Variants in PLEKHA2 observed in about 807,000 individuals in gnomAD.
PLEKHA2 encodes the protein pleckstrin homology domain-containing family A member 2.
PLEKHA2 carries 28 observed loss-of-function variants against 53.2 expected under a neutral mutation model. That is an observed-to-expected ratio of 0.53 (90% confidence interval 0.39 to 0.72). PLEKHA2 has a LOEUF of 0.72. PLEKHA2 is among the 30% of genes least tolerant of loss of function. The pLI, the probability that PLEKHA2 is intolerant of heterozygous loss-of-function variation, is 0.00. For missense variants in PLEKHA2, 426 were observed against 537.9 expected, an observed-to-expected ratio of 0.79 and a Z score of 2.06; for synonymous variants, 193 against 196.4, an observed-to-expected ratio of 0.98 and a Z score of 0.14.
chr8:38,909,934 TTTTG>T (rs1833931430), intron 1 of PLEKHA2, among the ~76,000 whole-genome samples: 1 of 151,860 alleles, frequency 6.6e-6, no homozygotes, highest in Admixed American at 6.6e-5. Flanking sequence ...ACTTCCCACT[TTTTG>T]TTTTTCTTTT....
In PLEKHA2 at chr8:38,969,309, T is replaced by G. The variant is rs1042266630; in HGVS notation, c.916-112T>G. On this transcript the variant is annotated intron_variant, in intron 11 of 11. Coordinates refer to ENST00000617275, the MANE Select transcript of PLEKHA2 (RefSeq NM_021623.2). ...TTTCATTTTTGTAGGCAAGCATCCT[T>G]GGACTTATGAGGTGGTGATCCTGGT... The G allele has an allele frequency of 7.0e-6, 9 of 1,289,346 alleles. No homozygotes were observed. The East Asian group carries it at 2.2e-4, about 32-fold the overall frequency. The allele number at this position is 1,289,346 out of a possible 1,614,324, so 79.9% of individuals were successfully genotyped here. A position where few individuals can be genotyped will look rare whatever the true frequency, so the allele number is the denominator to read the frequency against.
rs764936304 is a variant in PLEKHA2 at position 38,952,662 on chromosome 8, T to C, written c.660T>C (p.Phe220=). 1.3e-5 allele frequency: 21 copies of C among 1,611,214 alleles called. No individual in the cohort carries two copies. Among genetic ancestry groups the C allele is most frequent in the Non-Finnish European group, 1.8e-5 (21 of 1,179,866 alleles). The change falls in exon 8 of 12, where the codon TTT becomes TTC. Residue 220 remains phenylalanine, a synonymous_variant. Transcript: ENST00000617275. ...NVRKSWKRRF[F]ALDDFTICYF... ...GGAAGAGCTGGAAACGTCGCTTCTT[T>C]GCACTTGATGACTTTACCATCTGCT... is the stretch of plus-strand genomic sequence containing the variant.
chr8:38,907,094 C>G (rs1833888314), intron 1 of PLEKHA2, among the ~76,000 whole-genome samples: 1 of 152,174 alleles, frequency 6.6e-6, no homozygotes, highest in African/African-American at 2.4e-5. Context: ...GGTAACAGGA[C>G]AGAAGATGTA....
intron 2 of PLEKHA2, among the ~76,000 whole-genome samples, chr8:38,935,494 C>T (rs1386387249): frequency 6.6e-6 from 1 of 151,592 alleles, no homozygotes; most frequent in Admixed American, 6.6e-5. Context: ...ACACAGCTTA[C>T]CGCAGCCTCT....
chr8:38,959,826 C>T (rs1205863034), intron 10 of PLEKHA2, among the ~76,000 whole-genome samples: 1 of 152,142 alleles, frequency 6.6e-6, no homozygotes, highest in South Asian at 2.1e-4. Flanking sequence ...CAGGATGGCT[C>T]ATGGCACCAG....
rs1246378118 is a variant in PLEKHA2 at position 38,969,711 on chromosome 8, G to GC, written c.1210dup (p.Gln404ProfsTer13). ...GCTCCCGGATAAGGCACAGATCGGA[G>GC]CCCCAGCACCCCAAGGAGAAGCCGT... On this transcript the variant is annotated frameshift_variant, in exon 12 of 12. Coordinates refer to ENST00000617275, the MANE Select transcript of PLEKHA2 (RefSeq NM_021623.2). LOFTEE classifies it high-confidence loss of function. The GC allele has an allele frequency of 6.9e-7, 1 of 1,457,686 alleles. No homozygotes were observed. The highest frequency in any genetic ancestry group is 9.2e-7 in the Non-Finnish European group (1 of 1,087,764). The allele number at this position is 1,457,686 out of a possible 1,614,324, so 90.3% of individuals were successfully genotyped here.
At position 38,945,587 on chromosome 8, in the gene PLEKHA2, G is replaced by C. The variant is rs899204869; in HGVS notation, c.248-537G>C. Among the ~76,000 whole-genome samples, 3 of 152,142 alleles carry C rather than the reference G, an allele frequency of 2.0e-5. 1 individual carries two copies. Among genetic ancestry groups the C allele is most frequent in the Non-Finnish European group, 4.4e-5 (3 of 68,036 alleles). On this transcript the variant is annotated intron_variant, in intron 4 of 11. Coordinates refer to ENST00000617275, the MANE Select transcript of PLEKHA2 (RefSeq NM_021623.2). ...ATATATATGTAATAATAGTGAATGT[G>C]GAAGTAAATTGTTGACCTAATGGAA...
chr8:38,954,651 A>G (rs1170215152), intron 9 of PLEKHA2, among the ~76,000 whole-genome samples: 2 of 152,140 alleles, frequency 1.3e-5, no homozygotes, highest in Non-Finnish European at 1.5e-5. Context: ...CCTGGAACCC[A>G]GTCCAGGGTT....
At chr8:38,964,751 A>G (rs1278623695) in intron 10 of PLEKHA2, among the ~76,000 whole-genome samples, 3 of 152,040 alleles carry the variant, frequency 2.0e-5, no homozygotes, top group Non-Finnish European at 4.4e-5. Context: ...ATTTTGGAAA[A>G]CAGAAATGAA....
At chr8:38,951,745 T>C (rs1038577448) in intron 6 of PLEKHA2, among the ~76,000 whole-genome samples, 4 of 152,126 alleles carry the variant, frequency 2.6e-5, no homozygotes, top group Non-Finnish European at 5.9e-5. Context: ...CTCGCTGTGT[T>C]GCCCAGACTG....
rs374166640 is a variant in PLEKHA2 at position 38,950,946 on chromosome 8, A to G, written c.442A>G (p.Thr148Ala). ...LEKKPQVAYK[T>A]EIIGGVVVHT... Reference sequence around the variant, plus strand: ...GAAGAAGCCACAGGTGGCCTACAAGACGGAGATCATTGGAGGGGTGGTGGT... The same window carrying G: ...GAAGAAGCCACAGGTGGCCTACAAGGCGGAGATCATTGGAGGGGTGGTGGT... Residue 148 changes from threonine to alanine, a missense_variant, in exon 6 of 12, where the codon ACG becomes GCG. Coordinates refer to ENST00000617275, the MANE Select transcript of PLEKHA2 (RefSeq NM_021623.2). 40 of 1,613,724 alleles carry G rather than the reference A, an allele frequency of 2.5e-5. No individual in the cohort carries two copies. In the African/African-American group the frequency reaches 2.5e-4, roughly 10 times the overall value.
In PLEKHA2 at chr8:38,928,085, A is replaced by G. The variant is rs562320823; in HGVS notation, c.142-7909A>G. ...AAACCGATTAGAAAGTGGAGGGGAA[A>G]TGACATTGAGTTTGAGGCTGGATTG... On this transcript the variant is annotated intron_variant, in intron 2 of 11. Transcript: ENST00000617275. Among the ~76,000 whole-genome samples, 402 of 152,042 alleles carry G rather than the reference A, an allele frequency of 2.6e-3. 5 individuals carry two copies. Among genetic ancestry groups the G allele is most frequent in the Non-Finnish European group, 3.7e-3 (252 of 67,980 alleles).
At chr8:38,956,049 G>T (rs1282485281) in intron 9 of PLEKHA2, among the ~76,000 whole-genome samples, 1 of 152,136 alleles carries the variant, frequency 6.6e-6, no homozygotes, top group African/African-American at 2.4e-5. Context: ...CAAGTGATTT[G>T]CCTGCCTTGG....
At chr8:38,924,969 G>A (rs1201588084) in intron 2 of PLEKHA2, among the ~76,000 whole-genome samples, 1 of 152,114 alleles carries the variant, frequency 6.6e-6, no homozygotes, top group Non-Finnish European at 1.5e-5. Context: ...ACACTGATTT[G>A]GCTAATGCAT....
At chr8:38,950,532 C>A (rs141960990) in intron 5 of PLEKHA2, 368 of 229,400 alleles carry the variant, frequency 1.6e-3, no homozygotes, top group Non-Finnish European at 2.7e-3. Flanking sequence ...CCCCTACTAG[C>A]ATGTAAGTGC....
chr8:38,944,874 A>G (rs1174954711), intron 4 of PLEKHA2, among the ~76,000 whole-genome samples: 4 of 152,242 alleles, frequency 2.6e-5, no homozygotes, highest in Non-Finnish European at 5.9e-5. Flanking sequence ...TGATGCCACA[A>G]GGCAGGTGCA....
chr8:38,936,694 G>C (rs1400870409), intron 3 of PLEKHA2, among the ~76,000 whole-genome samples: 3 of 152,248 alleles, frequency 2.0e-5, no homozygotes, highest in Non-Finnish European at 2.9e-5. Flanking sequence ...ACTGGTTAAC[G>C]GTGCCCACAT....
intron 11 of PLEKHA2, 94 bp from the exon 12 acceptor site, chr8:38,969,327 A>T: frequency 7.0e-7 from 1 of 1,427,886 alleles, no homozygotes; most frequent in Non-Finnish European, 9.4e-7. Context: ...TGAGGTGGTG[A>T]TCCTGGTTGG....
At chr8:38,928,236 C>CTTTTTTTTTTTTTTT (rs11414317) in intron 2 of PLEKHA2, among the ~76,000 whole-genome samples, 1 of 110,130 alleles carries the variant, frequency 9.1e-6, no homozygotes. Context: ...CTGACCTGGT[C>CTTTTTTTTTTTTTTT]TTTTTTTTTT....
Sources: allele counts gnomAD v4.1 joint callset (sites outside exome capture counted in the v4.1 genomes callset), GRCh38; gene constraint gnomAD v4.1.1; transcripts MANE v1.5; gene names NCBI Gene and HGNC (gene_info 2026-07-23, HGNC 2026-07-21).